The following CDKL1 variants were observed in gnomAD, a reference collection of about 807,000 sequenced individuals.
CDKL1 encodes cyclin-dependent kinase-like 1.
CDKL1 carries 41 observed loss-of-function variants against 42.0 expected under a neutral mutation model. That is an observed-to-expected ratio of 0.98 (90% CI 0.76 to 1.27). The LOEUF is 1.27. Among genes scored for constraint, CDKL1 ranks in the 50% most tolerant of loss-of-function variants. CDKL1 has a pLI of 0.00. For synonymous variants in CDKL1, 153 were observed against 158.6 expected (o/e 0.96, Z 0.26); for missense variants, 394 against 428.4 (o/e 0.92, Z 0.71).
chr14:50,337,900 C>T (rs1482761760), intron 7 of CDKL1, among the ~76,000 whole-genome samples: 3 of 150,986 alleles, frequency 2.0e-5, no homozygotes, highest in Non-Finnish European at 4.4e-5. Context: ...GTGCTGGTCT[C>T]GAGCCCCTGA....
At position 50,395,302 on chromosome 14, in the gene CDKL1, CAGCAT is replaced by C. The variant is rs1809988019; in HGVS notation, c.168+394_168+398del. On this transcript the variant is annotated intron_variant, in intron 2 of 9. Coordinates refer to ENST00000395834, the MANE Select transcript of CDKL1 (RefSeq NM_004196.7). Reference sequence around the variant, plus strand: ...ATGGGGAAGAAAAATAAATATCCCACAGCATCTCTAAAAGTGAATGCCACCTTACC... The same window carrying C: ...ATGGGGAAGAAAAATAAATATCCCACCTCTAAAAGTGAATGCCACCTTACC... Among the ~76,000 whole-genome samples the C allele has an allele frequency of 1.3e-5, 2 of 152,234 alleles. 1 individual carries two copies. Among genetic ancestry groups the C allele is most frequent in the African/African-American group, 4.8e-5 (2 of 41,464 alleles).
At chr14:50,349,512 C>T (rs146888443) in intron 3 of CDKL1, among the ~76,000 whole-genome samples, 8 of 152,250 alleles carry the variant, frequency 5.3e-5, no homozygotes, top group East Asian at 3.9e-4. Context: ...AGGGAGATGA[C>T]GGGATAACTG....
At chr14:50,350,003 G>A (rs989914291) in intron 3 of CDKL1, among the ~76,000 whole-genome samples, 5 of 152,152 alleles carry the variant, frequency 3.3e-5, no homozygotes, top group African/African-American at 1.2e-4. Flanking sequence ...GGGCTCGAAC[G>A]CCTGACCTCA....
intron 2 of CDKL1, among the ~76,000 whole-genome samples, chr14:50,370,365 A>G (rs2034557770): frequency 6.6e-6 from 1 of 152,212 alleles, no homozygotes; most frequent in African/African-American, 2.4e-5. Flanking sequence ...CCCTGCACTC[A>G]GCCTCTCTCA....
chr14:50,350,733 T>C (rs1235541825), intron 3 of CDKL1, among the ~76,000 whole-genome samples: 3 of 152,032 alleles, frequency 2.0e-5, no homozygotes, highest in African/African-American at 7.2e-5. Flanking sequence ...CAAGCAAGGA[T>C]CCTCCCTTTC....
At chr14:50,331,407 A>T (rs2032933577) in intron 9 of CDKL1, 1 of 152,504 alleles carries the variant, frequency 6.6e-6, no homozygotes, top group Non-Finnish European at 1.5e-5. Context: ...CATATGATGG[A>T]GAATAAAACA....
chr14:50,376,336 C>G (rs1210331855), intron 2 of CDKL1: 5 of 468,542 alleles, frequency 1.1e-5, no homozygotes, highest in Middle Eastern at 3.2e-4. Flanking sequence ...CGTCCTCTTA[C>G]TAGCACTCCA....
intron 3 of CDKL1, among the ~76,000 whole-genome samples, chr14:50,354,738 A>C (rs2034006077): frequency 6.6e-6 from 1 of 152,220 alleles, no homozygotes; most frequent in Non-Finnish European, 1.5e-5. Flanking sequence ...TGTTAGTAGC[A>C]ACATGAAGTT....
At chr14:50,397,060 C>T (rs1332609758), upstream of CDKL1, 12 of 1,326,254 alleles carry the variant, frequency 9.0e-6, no homozygotes, top group Non-Finnish European at 1.2e-5. Flanking sequence ...GTCCTGACCG[C>T]GGGCCGAGTC....
At chr14:50,342,460 G>T (rs754978600) in intron 4 of CDKL1, 13 of 1,288,686 alleles carry the variant, frequency 1.0e-5, no homozygotes, top group Admixed American at 3.4e-5. Context: ...AATGAAAGTA[G>T]GGTAGCCGGT....
chr14:50,388,046 G>A (rs552416594), intron 2 of CDKL1, among the ~76,000 whole-genome samples: 10 of 152,106 alleles, frequency 6.6e-5, no homozygotes, highest in South Asian at 6.3e-4. Flanking sequence ...ACAGGTGCCC[G>A]CCACCACACC....
intron 3 of CDKL1, among the ~76,000 whole-genome samples, chr14:50,348,769 G>A (rs2033808812): frequency 6.6e-6 from 1 of 152,148 alleles, no homozygotes; most frequent in Non-Finnish European, 1.5e-5. Flanking sequence ...TAAGAAAGTA[G>A]AAGACCAGAA....
At chr14:50,389,050 G>T (rs1007351170) in intron 2 of CDKL1, among the ~76,000 whole-genome samples, 3 of 144,512 alleles carry the variant, frequency 2.1e-5, no homozygotes, top group African/African-American at 7.6e-5. Context: ...AGTGAGCCGA[G>T]ATTGCGCTAT....
chr14:50,381,242 A>G (rs1046304275), intron 2 of CDKL1, among the ~76,000 whole-genome samples: 1 of 152,224 alleles, frequency 6.6e-6, no homozygotes, highest in Non-Finnish European at 1.5e-5. Flanking sequence ...CTGGCATGTC[A>G]TTGGGACTTG....
chr14:50,396,477 T>G, intron 1 of CDKL1, 148 bp from the exon 2 acceptor site: 1 of 983,726 alleles, frequency 1.0e-6, no homozygotes, highest in African/African-American at 1.7e-5. Context: ...AAATGTAACT[T>G]GCCATCCTAA....
Position 50,335,972 on chromosome 14 carries a change from G to A in CDKL1, c.739-1351C>T, listed in dbSNP as rs766783330. The A allele has an allele frequency of 3.7e-6, 5 of 1,366,094 alleles. No individual in the cohort carries two copies. In the East Asian group the frequency reaches 1.8e-4, roughly 50 times the overall value. 84.6% of individuals were successfully genotyped at this position (1,366,094 alleles called of 1,614,324 possible). A position where few individuals can be genotyped will look rare whatever the true frequency, so the allele number is the denominator to read the frequency against. ...GTATTAGCCCTTGACAGTAGCCCCT[G>A]TTGCACCCTCATACTTCCACTCATG... On this transcript the variant is annotated intron_variant, in intron 7 of 9. Coordinates refer to ENST00000395834, the MANE Select transcript of CDKL1 (RefSeq NM_004196.7).
At chr14:50,385,030 C>A in intron 2 of CDKL1, among the ~76,000 whole-genome samples, 1 of 129,838 alleles carries the variant, frequency 7.7e-6, no homozygotes. Flanking sequence ...AAGATCGCAC[C>A]ACTGCACTTA....
chr14:50,344,939 G>A, intron 4 of CDKL1, 47 bp downstream of exon 4: 2 of 1,490,926 alleles, frequency 1.3e-6, no homozygotes, highest in East Asian at 2.3e-5. Context: ...CTCCACCTCA[G>A]CTTAAGGGGA....
intron 2 of CDKL1, among the ~76,000 whole-genome samples, chr14:50,382,373 C>T (rs561666823): frequency 6.6e-6 from 1 of 152,146 alleles, no homozygotes; most frequent in Non-Finnish European, 1.5e-5. Flanking sequence ...ATTGCGTGAA[C>T]CCGGGAGGTG....
Sources: gnomAD v4.1 joint callset for allele counts (sites outside exome capture counted in the v4.1 genomes callset) on GRCh38, gnomAD v4.1.1 for gene constraint, MANE v1.5 for transcripts, NCBI Gene and HGNC (gene_info 2026-07-23, HGNC 2026-07-21) for gene names.